The following CPNE5 variants were observed in gnomAD, a reference collection of about 807,000 sequenced individuals.
CPNE5 encodes the protein copine 5.
Under a neutral mutation model 81.1 loss-of-function variants are expected in CPNE5, and 42 were observed. That is an observed-to-expected ratio of 0.52 (90% CI 0.40 to 0.67). The LOEUF (loss-of-function observed/expected upper bound fraction) is 0.67. Ranked by LOEUF, CPNE5 falls within the 30% of genes least tolerant of loss-of-function variation. The pLI is 0.00. For missense variants in CPNE5, 612 were observed against 815.5 expected, an observed-to-expected ratio of 0.75 and a Z score of 3.04; for synonymous variants, 313 against 321.5, an observed-to-expected ratio of 0.97 and a Z score of 0.28.
chr6:36,789,053 CG>C (rs1328409551), intron 8 of CPNE5, among the ~76,000 whole-genome samples: 1 of 152,188 alleles, frequency 6.6e-6, no homozygotes. Context: ...GCTGGAAAGA[CG>C]AAGCAAAGCT....
chr6:36,762,980 A>G lies in CPNE5; in HGVS notation c.792T>C (p.Ile264=), dbSNP rs114533714. Reference sequence around the variant, plus strand: ...CCCGGTAACTGGTGGTGAACTCCCCAATGAAGTCATGGCTGCAAGGGAAGA... The same window carrying G: ...CCCGGTAACTGGTGGTGAACTCCCCGATGAAGTCATGGCTGCAAGGGAAGA... The part of the protein sequence containing the change: ...DWDRDGSHDF[I]GEFTTSYREL... The change falls in exon 12 of 21, where the codon ATT becomes ATC. Residue 264 remains isoleucine (I), a synonymous_variant. Transcript: ENST00000244751. The G allele has an allele frequency of 4.6e-4, 741 of 1,614,172 alleles. 8 individuals are homozygous for G. The African/African-American group carries it at 9.1e-3, about 20-fold the overall frequency.
chr6:36,764,391 C>T (rs901068487), intron 11 of CPNE5, among the ~76,000 whole-genome samples: 27 of 152,008 alleles, frequency 1.8e-4, no homozygotes, highest in Admixed American at 9.8e-4. Flanking sequence ...TGGAAGGGGG[C>T]TTGGGTCTCA....
chr6:36,796,189 T>C (rs1769555413), intron 6 of CPNE5, among the ~76,000 whole-genome samples: 2 of 152,240 alleles, frequency 1.3e-5, no homozygotes, highest in Non-Finnish European at 2.9e-5. Flanking sequence ...CCTCAGGTGA[T>C]CCACCCGCCT....
At position 36,798,435 on chromosome 6, in the gene CPNE5, C is replaced by T; in HGVS notation, c.327+20G>A. 6.2e-7 allele frequency: 1 copy of T among 1,612,552 alleles called. No homozygotes were observed. Among genetic ancestry groups the T allele is most frequent in the Non-Finnish European group, 8.5e-7 (1 of 1,178,542 alleles). ...TTTCAGAAACTATGGAATTGCTGAGCAGTTACTGGCAGAACTCACGTGTTT... is the reference window on the plus strand; with the variant it reads ...TTTCAGAAACTATGGAATTGCTGAGTAGTTACTGGCAGAACTCACGTGTTT... On this transcript the variant is annotated intron_variant, in intron 5 of 20. Coordinates refer to ENST00000244751, the MANE Select transcript of CPNE5 (RefSeq NM_020939.2).
intron 1 of CPNE5, among the ~76,000 whole-genome samples, chr6:36,831,398 G>C (rs992352785): frequency 6.6e-6 from 1 of 151,628 alleles, no homozygotes; most frequent in Non-Finnish European, 1.5e-5. Flanking sequence ...CTGTCAACCA[G>C]GCTGGAGTGC....
At chr6:36,829,097 G>A (rs1334163357) in intron 1 of CPNE5, among the ~76,000 whole-genome samples, 1 of 152,100 alleles carries the variant, frequency 6.6e-6, no homozygotes, top group African/African-American at 2.4e-5. Flanking sequence ...CTAAAGCTTG[G>A]CTTTAGCAGG....
Position 36,753,951 on chromosome 6 carries a change from T to G in CPNE5, c.910-856A>C, listed in dbSNP as rs73730174. ...CCTATTCATGAAGATTCAGCTGTTT[T>G]TACAGGCTCATTGGGAGGGCCAGGT... On this transcript the variant is annotated intron_variant, in intron 13 of 20. Coordinates refer to ENST00000244751, the MANE Select transcript of CPNE5 (RefSeq NM_020939.2). Among the ~76,000 whole-genome samples, 1,490 of 152,308 alleles carry G rather than the reference T, an allele frequency of 9.8e-3. 22 individuals are homozygous for G. Among genetic ancestry groups the G allele is most frequent in the African/African-American group, 0.034 (1,393 of 41,558 alleles).
chr6:36,795,646 A>G (rs1010973894), intron 6 of CPNE5, among the ~76,000 whole-genome samples: 1 of 152,222 alleles, frequency 6.6e-6, no homozygotes, highest in African/African-American at 2.4e-5. Flanking sequence ...CCATCCTCAG[A>G]AGACATGAAC....
At chr6:36,788,576 A>G (rs1768807007) in intron 8 of CPNE5, among the ~76,000 whole-genome samples, 1 of 149,044 alleles carries the variant, frequency 6.7e-6, no homozygotes, top group Admixed American at 6.7e-5. Flanking sequence ...TTGCAGTCAG[A>G]ATCAAATAAG....
At chr6:36,778,145 G>C (rs1036930781) in intron 9 of CPNE5, among the ~76,000 whole-genome samples, 1 of 152,198 alleles carries the variant, frequency 6.6e-6, no homozygotes, top group Admixed American at 6.5e-5. Flanking sequence ...CCAGAGAGGG[G>C]TCTTCACTTG....
chr6:36,785,095 T>C (rs1035159294), intron 8 of CPNE5, among the ~76,000 whole-genome samples: 1 of 152,212 alleles, frequency 6.6e-6, no homozygotes, highest in African/African-American at 2.4e-5. Context: ...ATTAAGTTCT[T>C]CTAAAACATC....
chr6:36,815,298 C>G (rs1022163881), intron 3 of CPNE5, among the ~76,000 whole-genome samples: 2 of 152,140 alleles, frequency 1.3e-5, no homozygotes, highest in Non-Finnish European at 2.9e-5. Flanking sequence ...AGTGTCTGGT[C>G]CCCCTTTGCA....
intron 1 of CPNE5, among the ~76,000 whole-genome samples, chr6:36,824,628 G>A (rs1772348286): frequency 6.6e-6 from 1 of 152,220 alleles, no homozygotes; most frequent in East Asian, 1.9e-4. Flanking sequence ...ACTGGTCTGT[G>A]TTGCTTCCCG....
intron 10 of CPNE5, among the ~76,000 whole-genome samples, chr6:36,774,487 G>A (rs1011868616): frequency 5.9e-5 from 9 of 152,236 alleles, no homozygotes; most frequent in South Asian, 2.1e-4. Flanking sequence ...TGACTCCCCA[G>A]TCTGTTGGCC....
chr6:36,742,191 TC>T lies in CPNE5; in HGVS notation c.*76del. ...GTCCCAAAGGCCGGGCAGGCCAACTTCGGGGAGTCTGGGGCCCTGGCCTCCC... is the reference window on the plus strand; with the variant it reads ...GTCCCAAAGGCCGGGCAGGCCAACTTGGGGAGTCTGGGGCCCTGGCCTCCC... On this transcript the variant is annotated 3_prime_UTR_variant, in exon 21 of 21. Coordinates refer to ENST00000244751, the MANE Select transcript of CPNE5 (RefSeq NM_020939.2). 1 of 1,223,544 alleles carries T rather than the reference TC, an allele frequency of 8.2e-7. No homozygotes were observed. Among genetic ancestry groups the T allele is most frequent in the Admixed American group, 2.2e-5 (1 of 44,642 alleles). The allele number at this position is 1,223,544 out of a possible 1,614,324, so 75.8% of individuals were successfully genotyped here. A position where few individuals can be genotyped will look rare whatever the true frequency, so the allele number is the denominator to read the frequency against.
At chr6:36,752,446 C>T (rs1259709544) in intron 14 of CPNE5, 1 of 152,478 alleles carries the variant, frequency 6.6e-6, no homozygotes, top group East Asian at 1.9e-4. Flanking sequence ...AGGACCAATC[C>T]CTGGCTTATC....
intron 16 of CPNE5, among the ~76,000 whole-genome samples, chr6:36,745,887 A>G (rs9462215): frequency 0.73 from 111,240 of 152,014 alleles, 40,896 homozygotes; most frequent in Non-Finnish European, 0.76. Flanking sequence ...CCAGCACAGC[A>G]CCTTGCACCC....
At chr6:36,752,321 C>T (rs1433810418) in intron 14 of CPNE5, among the ~76,000 whole-genome samples, 1 of 152,178 alleles carries the variant, frequency 6.6e-6, no homozygotes, top group East Asian at 1.9e-4. Context: ...GAGCCAGGCT[C>T]TTTCCGTGAG....
intron 1 of CPNE5, among the ~76,000 whole-genome samples, chr6:36,830,543 C>A (rs1371941504): frequency 6.6e-6 from 1 of 152,204 alleles, no homozygotes; most frequent in Non-Finnish European, 1.5e-5. Context: ...GTCTAAAAAG[C>A]AATTTTCACA....
Sources: allele counts gnomAD v4.1 joint callset (sites outside exome capture counted in the v4.1 genomes callset), GRCh38; gene constraint gnomAD v4.1.1; transcripts MANE v1.5; gene names NCBI Gene and HGNC (gene_info 2026-07-23, HGNC 2026-07-21).